The following SDK1 variants were observed in gnomAD, a reference collection of about 807,000 sequenced individuals.
The protein encoded by SDK1 is protein sidekick-1.
SDK1 carries 157 observed loss-of-function variants against 245.5 expected under a neutral mutation model. That is an observed-to-expected ratio of 0.64 (90% CI 0.56 to 0.73). The LOEUF (loss-of-function observed/expected upper bound fraction) is 0.73. Among genes scored for constraint, SDK1 ranks in the 30% least tolerant of loss-of-function variants. The pLI is 0.00. For missense variants in SDK1, 3,583 were observed against 3,002.3 expected (o/e 1.19, Z -4.52); for synonymous variants, 1,647 against 1,278.5 (o/e 1.29, Z -6.15).
intron 1 of SDK1, among the ~76,000 whole-genome samples, chr7:3,482,197 A>G (rs1004076743): frequency 1.5e-4 from 23 of 152,210 alleles, no homozygotes; most frequent in African/African-American, 5.3e-4. Flanking sequence ...TAAACTACCT[A>G]CCTACTAACA....
At chr7:3,644,190 C>G (rs950990368) in intron 4 of SDK1, among the ~76,000 whole-genome samples, 32 of 150,494 alleles carry the variant, frequency 2.1e-4, no homozygotes, top group African/African-American at 7.3e-4. Context: ...GCATGAGCCA[C>G]CACTTAAGCT....
intron 4 of SDK1, among the ~76,000 whole-genome samples, chr7:3,774,882 A>G (rs1780507317): frequency 6.6e-6 from 1 of 152,040 alleles, no homozygotes; most frequent in African/African-American, 2.4e-5. Context: ...TCTAATTGGG[A>G]CTGTTAAATT....
At chr7:3,755,799 G>GT (rs1779907934) in intron 4 of SDK1, among the ~76,000 whole-genome samples, 1 of 152,114 alleles carries the variant, frequency 6.6e-6, no homozygotes, top group Non-Finnish European at 1.5e-5. Context: ...CCTTCACGTG[G>GT]TATAGTGCAT....
chr7:3,368,714 G>T (rs1781151456), intron 1 of SDK1, among the ~76,000 whole-genome samples: 1 of 152,140 alleles, frequency 6.6e-6, no homozygotes, highest in Admixed American at 6.5e-5. Context: ...GACACTGTCT[G>T]TGCCACCTCT....
intron 38 of SDK1, among the ~76,000 whole-genome samples, chr7:4,216,435 G>A (rs899659241): frequency 1.3e-5 from 2 of 152,154 alleles, no homozygotes; most frequent in East Asian, 1.9e-4. Context: ...CTGTGCCTGC[G>A]TGGGGGACTC....
At chr7:3,988,528 C>G (rs189190397) in intron 14 of SDK1, among the ~76,000 whole-genome samples, 16 of 152,268 alleles carry the variant, frequency 1.1e-4, no homozygotes, top group South Asian at 2.1e-4. Context: ...AAATGCCTCG[C>G]TCCCTGTGCA....
intron 13 of SDK1, among the ~76,000 whole-genome samples, chr7:3,979,662 A>G (rs1245234045): frequency 1.3e-5 from 2 of 152,130 alleles, no homozygotes; most frequent in East Asian, 1.9e-4. Context: ...CAGCCTGTAA[A>G]TTAACAAGAC....
At chr7:3,429,633 A>C in intron 1 of SDK1, among the ~76,000 whole-genome samples, 1 of 147,254 alleles carries the variant, frequency 6.8e-6, no homozygotes, top group East Asian at 2.0e-4. Flanking sequence ...GTCTTGCTCT[A>C]TCACCCAGGC....
chr7:3,467,081 G>A (rs1373008063), intron 1 of SDK1, among the ~76,000 whole-genome samples: 2 of 147,816 alleles, frequency 1.4e-5, no homozygotes, highest in African/African-American at 5.1e-5. Context: ...CATCAAAATG[G>A]TAAAAGTCAT....
chr7:3,938,210 C>T (rs1178944921), intron 5 of SDK1, among the ~76,000 whole-genome samples: 1 of 152,178 alleles, frequency 6.6e-6, no homozygotes, highest in South Asian at 2.1e-4. Flanking sequence ...CTTTAGAATT[C>T]TATTCAGAAG....
chr7:3,623,482 C>A (rs1470110895), intron 2 of SDK1, among the ~76,000 whole-genome samples: 1 of 152,086 alleles, frequency 6.6e-6, no homozygotes, highest in Non-Finnish European at 1.5e-5. Context: ...CTCAAGTGAT[C>A]TGCCTGTCTC....
chr7:3,369,575 A>G (rs961870473), intron 1 of SDK1, among the ~76,000 whole-genome samples: 7 of 152,228 alleles, frequency 4.6e-5, no homozygotes, highest in African/African-American at 1.7e-4. Context: ...CCTGAAATCA[A>G]CATTTGTTCT....
At chr7:3,320,653 C>T (rs1779779503) in intron 1 of SDK1, among the ~76,000 whole-genome samples, 1 of 152,096 alleles carries the variant, frequency 6.6e-6, no homozygotes, top group African/African-American at 2.4e-5. Flanking sequence ...TAAGCAGTTG[C>T]CCTGTTTTAA....
intron 4 of SDK1, among the ~76,000 whole-genome samples, chr7:3,656,405 TC>T (rs1177453034): frequency 8.5e-5 from 13 of 152,192 alleles, no homozygotes; most frequent in African/African-American, 3.1e-4. Flanking sequence ...GGTCATTTGT[TC>T]CTCTGACAAA....
intron 1 of SDK1, among the ~76,000 whole-genome samples, chr7:3,362,618 T>G (rs369334232): frequency 6.6e-6 from 1 of 152,196 alleles, no homozygotes; most frequent in African/African-American, 2.4e-5. Context: ...TGTACAAGAT[T>G]TAAAATTAAT....
chr7:3,446,414 G>C (rs1181755517), intron 1 of SDK1, among the ~76,000 whole-genome samples: 1 of 152,082 alleles, frequency 6.6e-6, no homozygotes, highest in Non-Finnish European at 1.5e-5. Context: ...GAAAGTTGGA[G>C]ACAATCTTAT....
chr7:3,436,401 T>C (rs755865243), intron 1 of SDK1, among the ~76,000 whole-genome samples: 1 of 152,204 alleles, frequency 6.6e-6, no homozygotes, highest in African/African-American at 2.4e-5. Flanking sequence ...CAATACATTT[T>C]AGATTTTATA....
At chr7:4,119,574 A>G (rs7777312) in intron 25 of SDK1, among the ~76,000 whole-genome samples, 7,905 of 148,938 alleles carry the variant, frequency 0.053, 1,077 homozygotes, top group African/African-American at 0.18. Flanking sequence ...CTCTTCCTGA[A>G]ATAGTTACAT....
intron 29 of SDK1, 36 bp downstream of exon 29, chr7:4,145,952 T>C (rs373702505): frequency 4.5e-6 from 7 of 1,553,422 alleles, no homozygotes; most frequent in Non-Finnish European, 6.1e-6. Context: ...ACTGCAGATG[T>C]TGTGGGCACA....
Sources: allele counts gnomAD v4.1 joint callset (sites outside exome capture counted in the v4.1 genomes callset), GRCh38; gene constraint gnomAD v4.1.1; transcripts MANE v1.5; gene names NCBI Gene and HGNC (gene_info 2026-07-23, HGNC 2026-07-21).